PLSCR4: variants seen among roughly 807,000 people sequenced by gnomAD.
PLSCR4 encodes Ca(2+)-dependent phospholipid scramblase 4.
A neutral mutation model predicts 36.3 loss-of-function variants in PLSCR4; 25 were observed. The observed-to-expected ratio is 0.69, with a 90% confidence interval of 0.50 to 0.96. The LOEUF (loss-of-function observed/expected upper bound fraction) is 0.96, where lower values mean the gene tolerates loss of function less well. PLSCR4 is among the 40% of genes least tolerant of loss of function. PLSCR4 has a pLI of 0.00. For synonymous variants in PLSCR4, 122 were observed against 132.9 expected, an observed-to-expected ratio of 0.92 and a Z score of 0.56; for missense variants, 408 against 414.7, an observed-to-expected ratio of 0.98 and a Z score of 0.14.
At chr3:146,216,083 A>T (rs2034879998) in intron 3 of PLSCR4, among the ~76,000 whole-genome samples, 1 of 152,090 alleles carries the variant, frequency 6.6e-6, no homozygotes, top group Admixed American at 6.6e-5. Context: ...ATACAAAATT[A>T]TCCGGGCGTG....
chr3:146,235,421 T>G (rs1157284697), intron 1 of PLSCR4, among the ~76,000 whole-genome samples: 3 of 152,092 alleles, frequency 2.0e-5, no homozygotes, highest in Non-Finnish European at 4.4e-5. Flanking sequence ...TGACTGTAAG[T>G]TTCCTGAGGC....
chr3:146,216,059 C>A (rs180817434), intron 3 of PLSCR4, among the ~76,000 whole-genome samples: 14 of 152,098 alleles, frequency 9.2e-5, no homozygotes, highest in Admixed American at 3.9e-4. Context: ...GGTGAAACCC[C>A]GTCTCTACCG....
rs1474462214 is a variant in PLSCR4 at position 146,206,558 on chromosome 3, T to G, written c.322A>C (p.Asn108His). 1.2e-6 allele frequency: 2 copies of G among 1,613,286 alleles called. No individual in the cohort carries two copies. The highest frequency in any genetic ancestry group is 1.7e-4 in the Middle Eastern group (1 of 6,050). ...AAGTATTCCAGACCAGGAGGGCAGT[T>G]TGCCATAGGAGTTGGCCCTGGCATC... ...TWMPGPTPMA[N>H]CPPGLEYLVQ... Residue 108 changes from asparagine (N) to histidine (H), a missense_variant, in exon 4 of 9, where the codon AAC becomes CAC. Transcript: ENST00000354952.
intron 3 of PLSCR4, among the ~76,000 whole-genome samples, chr3:146,214,663 A>G (rs2034809155): frequency 6.6e-6 from 1 of 152,086 alleles, no homozygotes; most frequent in Non-Finnish European, 1.5e-5. Flanking sequence ...GACTTGTTTC[A>G]TGACCTAACC....
chr3:146,232,046 C>T (rs185414804), intron 1 of PLSCR4, among the ~76,000 whole-genome samples: 41 of 152,190 alleles, frequency 2.7e-4, no homozygotes, highest in African/African-American at 8.4e-4. Flanking sequence ...GATGAAAGGA[C>T]GGTGTACAGT....
chr3:146,240,239 A>G (rs1460778064), intron 1 of PLSCR4, among the ~76,000 whole-genome samples: 2 of 152,204 alleles, frequency 1.3e-5, no homozygotes, highest in African/African-American at 2.4e-5. Context: ...TCCAAAGAAG[A>G]TATATGAATA....
At chr3:146,236,645 C>T (rs1341974028) in intron 1 of PLSCR4, among the ~76,000 whole-genome samples, 1 of 152,158 alleles carries the variant, frequency 6.6e-6, no homozygotes, top group Non-Finnish European at 1.5e-5. Context: ...TAAGATGTGA[C>T]TTGCTCCTCC....
chr3:146,244,706 A>G (rs1310721884), intron 1 of PLSCR4, among the ~76,000 whole-genome samples: 1 of 152,078 alleles, frequency 6.6e-6, no homozygotes. Context: ...CTATTCCCTG[A>G]GACAAAACAA....
chr3:146,234,157 G>GA (rs1216255928), intron 1 of PLSCR4, among the ~76,000 whole-genome samples: 4 of 152,108 alleles, frequency 2.6e-5, no homozygotes, highest in African/African-American at 9.7e-5. Flanking sequence ...GAAAGAACAT[G>GA]AAACAGAAGA....
At chr3:146,239,532 A>C (rs912027333) in intron 1 of PLSCR4, among the ~76,000 whole-genome samples, 59 of 152,170 alleles carry the variant, frequency 3.9e-4, no homozygotes, top group African/African-American at 6.7e-4. Flanking sequence ...AAAAAAAAAA[A>C]AAAAAAACTT....
In PLSCR4 at chr3:146,199,966, G is replaced by A. The variant is rs201384386; in HGVS notation, c.471C>T (p.Thr157=). 8.6e-5 allele frequency: 138 copies of A among 1,613,146 alleles called. No individual in the cohort carries two copies. Among genetic ancestry groups the A allele is most frequent in the Middle Eastern group, 6.6e-4 (4 of 6,052 alleles). Residue 157 remains threonine, a synonymous_variant, in exon 6 of 9, where the codon ACC becomes ACT. Coordinates refer to ENST00000354952, the MANE Select transcript of PLSCR4 (RefSeq NM_020353.3). ...TCCTGGTAAAGTCATCTGTGTCTTC[G>A]GTTACAATGTAAACCATCTGGTCTG... ...NNSDQMVYIV[T]EDTDDFTRNA... is the part of the protein sequence containing the mutation.
intron 7 of PLSCR4, 38 bp downstream of exon 7, chr3:146,196,594 G>C (rs1390616141): frequency 4.4e-6 from 7 of 1,601,632 alleles, no homozygotes; most frequent in Non-Finnish European, 5.1e-6. Context: ...AATATGAGTA[G>C]GAAAAATATC....
intron 1 of PLSCR4, among the ~76,000 whole-genome samples, chr3:146,224,090 A>G (rs958272159): frequency 2.0e-5 from 3 of 151,928 alleles, no homozygotes; most frequent in Non-Finnish European, 2.9e-5. Flanking sequence ...GAAAATGACT[A>G]CAGCTTTCTA....
chr3:146,193,898 T>A lies in PLSCR4; in HGVS notation c.*513A>T, dbSNP rs1420703862. The A allele has an allele frequency of 6.6e-6, 1 of 152,424 alleles. No homozygotes were observed. The highest frequency in any genetic ancestry group is 1.9e-4 in the East Asian group (1 of 5,172). The allele number at this position is 152,424 out of a possible 1,614,324, so 9.4% of individuals were successfully genotyped here. ...TATATGTGTACAAGTAGTACCTTCTTAGTGCAAGAAAACATCATTATTTCT... is the reference window on the plus strand; with the variant it reads ...TATATGTGTACAAGTAGTACCTTCTAAGTGCAAGAAAACATCATTATTTCT... On this transcript the variant is annotated 3_prime_UTR_variant, in exon 9 of 9. Coordinates refer to ENST00000354952, the MANE Select transcript of PLSCR4 (RefSeq NM_020353.3).
chr3:146,232,367 T>C (rs1160789273), intron 1 of PLSCR4, among the ~76,000 whole-genome samples: 1 of 152,148 alleles, frequency 6.6e-6, no homozygotes, highest in Non-Finnish European at 1.5e-5. Flanking sequence ...ATCTTTCTAA[T>C]TCTGTGAAAA....
At chr3:146,250,776 A>T (rs1559933929) in intron 1 of PLSCR4, 184 bp downstream of exon 1, 1 of 152,240 alleles carries the variant, frequency 6.6e-6, no homozygotes. Context: ...AACTTCTGCA[A>T]CCACCTGAGG....
chr3:146,239,079 G>T (rs970835053), intron 1 of PLSCR4, among the ~76,000 whole-genome samples: 12 of 152,070 alleles, frequency 7.9e-5, no homozygotes, highest in African/African-American at 2.9e-4. Context: ...ACCATGAAAT[G>T]TTGAAAGAAT....
intron 3 of PLSCR4, among the ~76,000 whole-genome samples, chr3:146,213,600 G>C (rs537350744): frequency 6.6e-6 from 1 of 152,270 alleles, no homozygotes; most frequent in East Asian, 1.9e-4. Context: ...TGGGATTACA[G>C]GCGTGAACCA....
rs143297657 is a variant in PLSCR4 at position 146,206,797 on chromosome 3, T to C, written c.119-36A>G. On this transcript the variant is annotated intron_variant, in intron 3 of 8. Transcript: ENST00000354952. ...AAGAAATCAAAGTGTTATATATTATTAACACTAAAGTTAGCATAACTTTTT... is the reference window on the plus strand; with the variant it reads ...AAGAAATCAAAGTGTTATATATTATCAACACTAAAGTTAGCATAACTTTTT... 7,421 of 1,312,092 alleles carry C rather than the reference T, an allele frequency of 5.7e-3. 319 individuals are homozygous for C. The Admixed American group carries it at 0.1, about 19-fold the overall frequency. 81.3% of individuals were successfully genotyped at this position (1,312,092 alleles called of 1,614,324 possible). A position where few individuals can be genotyped will look rare whatever the true frequency, so the allele number is the denominator to read the frequency against.
Sources: allele counts gnomAD v4.1 joint callset (sites outside exome capture counted in the v4.1 genomes callset), GRCh38; gene constraint gnomAD v4.1.1; transcripts MANE v1.5; gene names NCBI Gene and HGNC (gene_info 2026-07-23, HGNC 2026-07-21).